The following MRPL32 variants were observed in gnomAD, a reference collection of about 807,000 sequenced individuals.
MRPL32 encodes the protein large ribosomal subunit protein bL32m.
A neutral mutation model predicts 21.7 loss-of-function variants in MRPL32; 14 were observed. The observed-to-expected ratio is 0.64, with a 90% CI of 0.43 to 1.01. MRPL32 has a LOEUF of 1.01. Among genes scored for constraint, MRPL32 ranks in the 50% least tolerant of loss-of-function variants. The pLI, the probability that MRPL32 is intolerant of heterozygous loss-of-function variation, is 0.00. For synonymous variants in MRPL32, 83 were observed against 87.7 expected, an observed-to-expected ratio of 0.95 and a Z score of 0.30; for missense variants, 211 against 235.9, an observed-to-expected ratio of 0.89 and a Z score of 0.69.
At chr7:42,936,928 A>G in intron 2 of MRPL32, 2 of 338,640 alleles carry the variant, frequency 5.9e-6, no homozygotes, top group Admixed American at 8.2e-5. Context: ...TGAAAGACAA[A>G]GGGAATTCAC....
At chr7:42,934,034 C>T (rs3757560) in intron 1 of MRPL32, among the ~76,000 whole-genome samples, 128,661 of 152,128 alleles carry the variant, frequency 0.85, 54,606 homozygotes, top group South Asian at 0.91. Flanking sequence ...TTTGGGAGGC[C>T]AAGGTGGGTC....
In MRPL32 at chr7:42,932,405, G is replaced by T; in HGVS notation, c.19G>T (p.Val7Phe). The T allele has an allele frequency of 6.2e-7, 1 of 1,611,592 alleles. No homozygotes were observed. The highest frequency in any genetic ancestry group is 8.5e-7 in the Non-Finnish European group (1 of 1,178,480). MALAML[V>F]LVVSPWSAAR... ...AGGGAAAATGGCGCTGGCCATGCTG[G>T]TCTTGGTGGTTTCGCCGTGGTCTGC... The change falls in exon 1 of 3, where the codon GTC (valine) becomes TTC (phenylalanine). Residue 7 changes from valine (V) to phenylalanine (F), a missense_variant. Around this residue, in one of 2 missense-constraint regions of MRPL32, gnomAD observed 81 missense variants for 55.8 expected, o/e 1.45. Transcript: ENST00000223324.
intron 1 of MRPL32, among the ~76,000 whole-genome samples, chr7:42,934,534 AGTGCCG>A (rs1786393351): frequency 6.6e-6 from 1 of 152,204 alleles, no homozygotes; most frequent in Non-Finnish European, 1.5e-5. Context: ...CAGTTACATC[AGTGCCG>A]GTCAGAAGTG....
chr7:42,932,892 G>A (rs906671818), intron 1 of MRPL32, among the ~76,000 whole-genome samples: 2 of 152,072 alleles, frequency 1.3e-5, no homozygotes, highest in African/African-American at 2.4e-5. Flanking sequence ...GCGTTTTAAA[G>A]GGAGAATGAG....
chr7:42,932,663 G>A (rs1382305469), intron 1 of MRPL32, 147 bp downstream of exon 1: 1 of 758,916 alleles, frequency 1.3e-6, no homozygotes, highest in Admixed American at 3.6e-5. Flanking sequence ...TCCCATATTA[G>A]CGAGAACAGA....
Position 42,934,862 on chromosome 7 carries a change from G to C in MRPL32, c.131-93G>C, listed in dbSNP as rs184228207. On this transcript the variant is annotated intron_variant, in intron 1 of 2. Transcript: ENST00000223324. ...ATATATAGTTTTTGTGTGTGTGTAT[G>C]TTTGACCATTGATTGTTAAGGAAAA... 9 of 966,730 alleles carry C rather than the reference G, an allele frequency of 9.3e-6. No homozygotes were observed. In the African/African-American group the frequency reaches 1.5e-4, roughly 16 times the overall value. The allele number at this position is 966,730 out of a possible 1,614,324, so 59.9% of individuals were successfully genotyped here.
chr7:42,936,952 C>A, intron 2 of MRPL32: 2 of 345,098 alleles, frequency 5.8e-6, no homozygotes, highest in Admixed American at 8.0e-5. Context: ...TCCTTGGTGT[C>A]TTATTTAAGA....
chr7:42,937,310 A>G lies in MRPL32; in HGVS notation c.313-12A>G. On this transcript the variant is annotated splice_polypyrimidine_tract_variant and intron_variant, in intron 2 of 2. Coordinates refer to ENST00000223324, the MANE Select transcript of MRPL32 (RefSeq NM_031903.3). Reference sequence around the variant, plus strand: ...CTCATGTTAAAATACGTTTTTGTTTATTGTTTTAAAGAACAACATAGACGT... The same window carrying G: ...CTCATGTTAAAATACGTTTTTGTTTGTTGTTTTAAAGAACAACATAGACGT... 1 of 1,612,768 alleles carries G rather than the reference A, an allele frequency of 6.2e-7. No homozygotes were observed. The highest frequency in any genetic ancestry group is 8.5e-7 in the Non-Finnish European group (1 of 1,179,070).
chr7:42,936,688 C>CTATATCTATCTA (rs1562706618), intron 2 of MRPL32: 8 of 147,780 alleles, frequency 5.4e-5, no homozygotes, highest in South Asian at 2.1e-4. Flanking sequence ...ATATCTATCT[C>CTATATCTATCTA]TATATATATA....
chr7:42,937,256 T>A, intron 2 of MRPL32, 66 bp from the exon 3 acceptor site: 1 of 1,611,444 alleles, frequency 6.2e-7, no homozygotes, highest in East Asian at 2.2e-5. Flanking sequence ...GCATTGCTCC[T>A]GTCAGTGGTT....
At chr7:42,937,206 C>T (rs1468834871) in intron 2 of MRPL32, 116 bp from the exon 3 acceptor site, 1 of 1,590,970 alleles carries the variant, frequency 6.3e-7, no homozygotes, top group African/African-American at 1.3e-5. Flanking sequence ...TGTATGATGA[C>T]CTCATGTAGC....
rs142934027 is a variant in MRPL32, at chr7:42,937,461, C to T, written c.452C>T (p.Ala151Val). 2.2e-4 allele frequency: 363 copies of T among 1,614,082 alleles called. 1 individual carries two copies. In the African/African-American group the frequency reaches 4.3e-3, roughly 19 times the overall value. ...IGKQEGGPFK[A>V]PTIETVVLYT... ...AAGCAAGAAGGGGGCCCTTTTAAGG[C>T]TCCCACCATAGAGACTGTGGTGCTG... The change falls in exon 3 of 3, where the codon GCT becomes GTT. Residue 151 changes from alanine to valine, a missense_variant. By Grantham distance (64) the Ala-to-Val change is moderately conservative (BLOSUM62 0). Coordinates refer to ENST00000223324, the MANE Select transcript of MRPL32 (RefSeq NM_031903.3).
chr7:42,932,521 G>A lies in MRPL32; in HGVS notation c.130+5G>A, dbSNP rs769698395. On this transcript the variant is annotated splice_donor_5th_base_variant and intron_variant, in intron 1 of 2. Transcript: ENST00000223324. Reference sequence around the variant, plus strand: ...GCTTTCCCAGTCCTCCGTGGGGTAGGTAAAGAAGGGCTCCGTGGGAGAGGG... The same window carrying A: ...GCTTTCCCAGTCCTCCGTGGGGTAGATAAAGAAGGGCTCCGTGGGAGAGGG... 13 of 1,597,342 alleles carry A rather than the reference G, an allele frequency of 8.1e-6. No homozygotes were observed. In the Admixed American group the frequency reaches 2.0e-4, roughly 25 times the overall value.
At chr7:42,935,415 G>A (rs1376810513) in intron 2 of MRPL32, 1 of 261,266 alleles carries the variant, frequency 3.8e-6, no homozygotes, top group Non-Finnish European at 7.3e-6. Flanking sequence ...TCTGAATTGT[G>A]AGCTGTGTCA....
intron 2 of MRPL32, 32 bp from the exon 3 acceptor site, chr7:42,937,290 G>T (rs143168432): frequency 1.9e-6 from 3 of 1,612,526 alleles, no homozygotes; most frequent in South Asian, 2.2e-5. Flanking sequence ...ATTGCCTCAT[G>T]TTAAAATACG....
rs778259740 is a variant in MRPL32, at chr7:42,932,507, C to T, written c.121C>T (p.Pro41Ser). Residue 41 changes from proline to serine, a missense_variant, in exon 1 of 3, where the codon CCT becomes TCT. Physicochemically the swap from Pro to Ser is moderately conservative, Grantham distance 74. Around this residue, in one of 2 missense-constraint regions of MRPL32, gnomAD observed 81 missense variants for 55.8 expected, o/e 1.45. Coordinates refer to ENST00000223324, the MANE Select transcript of MRPL32 (RefSeq NM_031903.3). ...GCAGAGCCGGCCGGGCTTTCCCAGT[C>T]CTCCGTGGGGTAGGTAAAGAAGGGC... Reference protein sequence around the residue: ...LPQSRPGFPSPPWGPALAVQG... With the variant: ...LPQSRPGFPSSPWGPALAVQG... 1 of 1,606,314 alleles carries T rather than the reference C, an allele frequency of 6.2e-7. No individual in the cohort carries two copies. The highest frequency in any genetic ancestry group is 1.7e-5 in the Admixed American group (1 of 59,590).
At chr7:42,933,453 C>T (rs535919725) in intron 1 of MRPL32, among the ~76,000 whole-genome samples, 23 of 151,926 alleles carry the variant, frequency 1.5e-4, no homozygotes, top group African/African-American at 5.6e-4. Flanking sequence ...CTCACCTCCC[C>T]TCCCGCTTCC....
intron 2 of MRPL32, 115 bp downstream of exon 2, chr7:42,935,251 C>T: frequency 1.2e-6 from 1 of 858,648 alleles, no homozygotes; most frequent in Middle Eastern, 2.3e-4. Flanking sequence ...TGTCTACTTT[C>T]CTCTGGCCTA....
At position 42,934,951 on chromosome 7, in the gene MRPL32, C is replaced by T. The variant is rs1431885649; in HGVS notation, c.131-4C>T. ...TTCTGTATCTCTTATGTTTTATTTCCTAGGACCAGCATTAGCAGTACAGGG... is the reference window on the plus strand; with the variant it reads ...TTCTGTATCTCTTATGTTTTATTTCTTAGGACCAGCATTAGCAGTACAGGG... On this transcript the variant is annotated splice_region_variant and splice_polypyrimidine_tract_variant and intron_variant, in intron 1 of 2. Transcript: ENST00000223324. 1.3e-6 allele frequency: 2 copies of T among 1,552,708 alleles called. No homozygotes were observed. The highest frequency in any genetic ancestry group is 2.4e-5 in the South Asian group (2 of 81,998).
Sources: gnomAD v4.1 joint callset for allele counts (sites outside exome capture counted in the v4.1 genomes callset) on GRCh38, gnomAD v4.1.1 for gene constraint, gnomAD v4.1.1 regional missense constraint, MANE v1.5 for transcripts, NCBI Gene and HGNC (gene_info 2026-07-23, HGNC 2026-07-21) for gene names.